EFCAB8: variants seen among roughly 807,000 people sequenced by gnomAD.
The protein encoded by EFCAB8 is EF-hand calcium-binding domain-containing protein 8.
Under a neutral mutation model 116.3 loss-of-function variants are expected in EFCAB8, and 100 were observed. The observed-to-expected ratio is 0.86, with a 90% CI of 0.73 to 1.02. The LOEUF is 1.02. Ranked by LOEUF, EFCAB8 falls within the 50% of genes least tolerant of loss-of-function variation. EFCAB8 has a pLI of 0.00. For synonymous variants in EFCAB8, 558 were observed against 567.9 expected (o/e 0.98, Z 0.25); for missense variants, 1,320 against 1,416.9 (o/e 0.93, Z 1.10).
At chr20:32,892,065 T>A in intron 7 of EFCAB8, 148 bp from the exon 8 acceptor site, 1 of 683,532 alleles carries the variant, frequency 1.5e-6, no homozygotes, top group Non-Finnish European at 2.5e-6. Flanking sequence ...GTGGGTTTAC[T>A]CTGTGAACAG....
chr20:32,864,692 G>A (rs1409562526), intron 2 of EFCAB8, among the ~76,000 whole-genome samples: 2 of 152,214 alleles, frequency 1.3e-5, no homozygotes, highest in East Asian at 3.9e-4. Flanking sequence ...CCAGCAGGTT[G>A]TGATAATAGT....
chr20:32,942,028 T>C (rs6058969), intron 22 of EFCAB8, among the ~76,000 whole-genome samples: 35,205 of 152,110 alleles, frequency 0.23, 4,452 homozygotes, highest in Middle Eastern at 0.3. Flanking sequence ...CTTTAATGTA[T>C]ACTACAAAAT....
At chr20:32,869,778 C>T (rs1451386903) in intron 3 of EFCAB8, among the ~76,000 whole-genome samples, 1 of 152,170 alleles carries the variant, frequency 6.6e-6, no homozygotes. Flanking sequence ...TATGTAATTT[C>T]AGACTACTTT....
chr20:32,939,149 TTC>T (rs1491581154), intron 22 of EFCAB8, among the ~76,000 whole-genome samples: 1 of 64,614 alleles, frequency 1.5e-5, no homozygotes, highest in Non-Finnish European at 3.3e-5. Flanking sequence ...CTTTCTTTCT[TTC>T]TTTCTTTCTT....
chr20:32,873,176 T>A, intron 3 of EFCAB8, among the ~76,000 whole-genome samples: 1 of 151,968 alleles, frequency 6.6e-6, no homozygotes, highest in East Asian at 1.9e-4. Context: ...GTGTGTCAGC[T>A]GATAATGTCA....
chr20:32,931,082 C>A, intron 21 of EFCAB8, 96 bp from the exon 22 acceptor site: 4 of 1,092,990 alleles, frequency 3.7e-6, no homozygotes, highest in Non-Finnish European at 5.2e-6. Flanking sequence ...CCCCCACCCC[C>A]ACCAAATGAA....
intron 17 of EFCAB8, among the ~76,000 whole-genome samples, chr20:32,916,021 C>T (rs943802168): frequency 1.3e-5 from 2 of 152,100 alleles, no homozygotes; most frequent in African/African-American, 4.8e-5. Flanking sequence ...GTATTTGTTA[C>T]AATAACACCC....
intron 22 of EFCAB8, among the ~76,000 whole-genome samples, chr20:32,939,489 T>G (rs1256597350): frequency 2.7e-5 from 4 of 146,370 alleles, no homozygotes; most frequent in African/African-American, 1.0e-4. Flanking sequence ...TTCACTGTAT[T>G]GGTCACGCTG....
intron 23 of EFCAB8, among the ~76,000 whole-genome samples, chr20:32,948,767 T>C (rs1473965915): frequency 2.6e-5 from 4 of 152,206 alleles, no homozygotes; most frequent in Admixed American, 6.5e-5. Flanking sequence ...AAAAACTATG[T>C]GATTATCTTG....
intron 23 of EFCAB8, among the ~76,000 whole-genome samples, chr20:32,957,331 C>A (rs1044145104): frequency 4.6e-5 from 6 of 130,500 alleles, no homozygotes; most frequent in Admixed American, 7.1e-5. Context: ...AAAAAAAAAA[C>A]CCAAAACTTT....
chr20:32,938,481 A>G (rs1416978576), intron 22 of EFCAB8, among the ~76,000 whole-genome samples: 5 of 149,956 alleles, frequency 3.3e-5, no homozygotes, highest in South Asian at 2.1e-4. Flanking sequence ...AAAAGTATCT[A>G]TATTGGGGAG....
At position 32,930,432 on chromosome 20, in the gene EFCAB8, A is replaced by G. The variant is rs752358114; in HGVS notation, c.2447A>G (p.His816Arg). 1.2e-5 allele frequency: 19 copies of G among 1,551,554 alleles called. No homozygotes were observed. In the African/African-American group the frequency reaches 2.2e-4, roughly 18 times the overall value. ...IFLQTRPRLPHTAALLSSCMD... is the reference protein window; with the variant it reads ...IFLQTRPRLPRTAALLSSCMD... ...CTGCAGACCAGGCCTCGCCTGCCGC[A>G]CACGGCTGCCCTGCTGAGCAGCTGC... Residue 816 changes from histidine (H) to arginine (R), a missense_variant, in exon 21 of 27, where the codon CAC becomes CGC. Transcript: ENST00000400522.
chr20:32,942,455 G>C (rs1311383578), intron 22 of EFCAB8, among the ~76,000 whole-genome samples: 1 of 151,974 alleles, frequency 6.6e-6, no homozygotes, highest in Non-Finnish European at 1.5e-5. Flanking sequence ...GGGAGGCCAA[G>C]GTGGGCAGAT....
At chr20:32,947,453 A>G (rs1326738000) in intron 23 of EFCAB8, among the ~76,000 whole-genome samples, 2 of 152,220 alleles carry the variant, frequency 1.3e-5, no homozygotes, top group Non-Finnish European at 2.9e-5. Flanking sequence ...TTCTGGTAAC[A>G]AAACACATCT....
chr20:32,892,217 C>G lies in EFCAB8; in HGVS notation c.678C>G (p.Phe226Leu), dbSNP rs371895986. 10 of 1,551,558 alleles carry G rather than the reference C, an allele frequency of 6.4e-6. No individual in the cohort carries two copies. The African/African-American group carries it at 1.2e-4, about 19-fold the overall frequency. The change falls in exon 8 of 27, where the codon TTC becomes TTG. Residue 226 changes from phenylalanine to leucine, a missense_variant. Physicochemically the swap from Phe to Leu is conservative, Grantham distance 22. Coordinates refer to ENST00000400522, the MANE Select transcript of EFCAB8 (RefSeq NM_001143967.2). ...AVASTRQKIDFFDISDHKCVR... is the reference protein window; with the variant it reads ...AVASTRQKIDLFDISDHKCVR... ...GGCCTTCTGTCTTTCCCCCAGATTT[C>G]TTTGATATTAGTGACCACAAATGTG...
chr20:32,885,521 GT>G lies in EFCAB8; in HGVS notation c.449del (p.Val150GlyfsTer2). The G allele has an allele frequency of 6.4e-7, 1 of 1,551,740 alleles. No individual in the cohort carries two copies. The highest frequency in any genetic ancestry group is 8.7e-7 in the Non-Finnish European group (1 of 1,146,996). ...CTCCCACAGGAACCATGGCTGTGAG[GT>G]GGTGAAGGTGGTGTTTTTAATCCAC... ...TVVPLNHGCE[V>X]VKVVFLIHRF... On this transcript the variant is annotated frameshift_variant, in exon 6 of 27. Coordinates refer to ENST00000400522, the MANE Select transcript of EFCAB8 (RefSeq NM_001143967.2). LOFTEE classifies it high-confidence loss of function.
intron 3 of EFCAB8, among the ~76,000 whole-genome samples, chr20:32,868,170 T>C (rs1325074637): frequency 6.6e-6 from 1 of 152,198 alleles, no homozygotes; most frequent in Non-Finnish European, 1.5e-5. Context: ...GTGATCCTCC[T>C]GCCTTGGCCC....
In EFCAB8 at chr20:32,893,196, T is replaced by C; in HGVS notation, c.781T>C (p.Phe261Leu). 6.4e-7 allele frequency: 1 copy of C among 1,552,000 alleles called. No individual in the cohort carries two copies. The stretch of plus-strand genomic sequence containing the variant: ...CAGGTCTGACTATCACAGAGGTGTG[T>C]TCTGCTATGGAGACGCCAAAGGCAA... The part of the protein sequence containing the change: ...DYWSDYHRGV[F>L]CYGDAKGNVI... Residue 261 changes from phenylalanine to leucine, a missense_variant, in exon 9 of 27, where the codon TTC becomes CTC. Transcript: ENST00000400522.
At chr20:32,948,683 A>T (rs1452548218) in intron 23 of EFCAB8, among the ~76,000 whole-genome samples, 1 of 152,182 alleles carries the variant, frequency 6.6e-6, no homozygotes, top group Non-Finnish European at 1.5e-5. Flanking sequence ...CAATGATCAC[A>T]TAGGGTTTAC....
Sources: allele counts gnomAD v4.1 joint callset (sites outside exome capture counted in the v4.1 genomes callset), GRCh38; gene constraint gnomAD v4.1.1; transcripts MANE v1.5; gene names NCBI Gene and HGNC (gene_info 2026-07-23, HGNC 2026-07-21).